GBE1: variants seen among roughly 807,000 people sequenced by gnomAD.
GBE1 encodes the protein 1,4-alpha-glucan-branching enzyme.
In GBE1, 70 loss-of-function variants were observed where a neutral mutation model predicts 88.8. The ratio of observed to expected loss-of-function variants is 0.79; its 90% CI spans 0.65 to 0.96. The LOEUF is 0.96. Ranked by LOEUF, GBE1 falls within the 40% of genes least tolerant of loss-of-function variation. The probability of loss-of-function intolerance (pLI) is 0.00; values close to 1 mark genes in which losing one functional copy is unlikely to be tolerated. For missense variants in GBE1, 872 were observed against 871.0 expected (o/e 1.00, Z -0.01); for synonymous variants, 284 against 300.1 (o/e 0.95, Z 0.56).
chr3:81,529,354 G>A (rs1702985829), intron 14 of GBE1, among the ~76,000 whole-genome samples: 1 of 151,932 alleles, frequency 6.6e-6, no homozygotes, highest in South Asian at 2.1e-4. Context: ...GTGCAACACA[G>A]TTGAGGCCTT....
rs956916105 is a variant in GBE1 at position 81,546,686 on chromosome 3, A to G, written c.1619-9591T>C. ...TGGCAACATCAGGAAGTTACCCTCT[A>G]TGGTCTAAAAGTGGGAGGCATGAAT... On this transcript the variant is annotated intron_variant, in intron 12 of 15. Coordinates refer to ENST00000429644, the MANE Select transcript of GBE1 (RefSeq NM_000158.4). Among the ~76,000 whole-genome samples, 6 of 151,642 alleles carry G rather than the reference A, an allele frequency of 4.0e-5. No homozygotes were observed. In the East Asian group the frequency reaches 5.8e-4, roughly 15 times the overall value.
intron 2 of GBE1, among the ~76,000 whole-genome samples, chr3:81,700,266 A>G (rs1705667276): frequency 6.6e-6 from 1 of 152,194 alleles, no homozygotes; most frequent in African/African-American, 2.4e-5. Context: ...AGAAGCTGGT[A>G]TCAGAATTAT....
rs576563644 is a variant in GBE1 at position 81,663,565 on chromosome 3, A to G, written c.429+7273T>C. ...GATAAAACCTTGCATTCATTCTCCAAGCCCAGATGTGATCCTATTCTTCCA... is the reference window on the plus strand; with the variant it reads ...GATAAAACCTTGCATTCATTCTCCAGGCCCAGATGTGATCCTATTCTTCCA... On this transcript the variant is annotated intron_variant, in intron 3 of 15. Coordinates refer to ENST00000429644, the MANE Select transcript of GBE1 (RefSeq NM_000158.4). 3.3e-5 allele frequency among the ~76,000 whole-genome samples: 5 copies of G among 152,272 alleles called. No individual in the cohort carries two copies. In the South Asian group the frequency reaches 1.0e-3, roughly 32 times the overall value.
chr3:81,706,858 T>G (rs1447863772), intron 1 of GBE1, among the ~76,000 whole-genome samples: 2 of 149,292 alleles, frequency 1.3e-5, no homozygotes, highest in African/African-American at 4.9e-5. Flanking sequence ...AATGATGAGT[T>G]AGACTCAACA....
intron 7 of GBE1, among the ~76,000 whole-genome samples, chr3:81,602,221 A>G (rs1248967977): frequency 6.6e-6 from 1 of 152,144 alleles, no homozygotes; most frequent in Non-Finnish European, 1.5e-5. Flanking sequence ...AAAGCCCTCA[A>G]TCCACTTTTG....
At chr3:81,542,891 G>C (rs1703160032) in intron 12 of GBE1, among the ~76,000 whole-genome samples, 1 of 151,942 alleles carries the variant, frequency 6.6e-6, no homozygotes, top group Non-Finnish European at 1.5e-5. Flanking sequence ...TTTTTAAATG[G>C]AGAAATTTAA....
chr3:81,761,118 C>A (rs1464498608), intron 1 of GBE1, among the ~76,000 whole-genome samples: 4 of 152,224 alleles, frequency 2.6e-5, no homozygotes, highest in Admixed American at 1.3e-4. Context: ...CGCAAGACCG[C>A]TGATTAGAAC....
intron 7 of GBE1, among the ~76,000 whole-genome samples, chr3:81,624,331 T>A (rs868248871): frequency 2.0e-5 from 3 of 152,126 alleles, no homozygotes; most frequent in African/African-American, 7.2e-5. Context: ...ATTATGGAGA[T>A]TACATTCAAG....
rs546802620 is a variant in GBE1, at chr3:81,628,817, T to C, written c.992+13964A>G. 1.6e-3 allele frequency among the ~76,000 whole-genome samples: 222 copies of C among 139,698 alleles called. 1 individual carries two copies. Among genetic ancestry groups the C allele is most frequent in the African/African-American group, 5.4e-3 (206 of 38,092 alleles). The allele number at this position is 139,698 out of a possible 152,430, so 91.6% of individuals were successfully genotyped here. On this transcript the variant is annotated intron_variant, in intron 7 of 15. Coordinates refer to ENST00000429644, the MANE Select transcript of GBE1 (RefSeq NM_000158.4). ...GTATGTTACTAAATTATTTATTTCA[T>C]CTTAATCCCAGGATAACTAAATTTT...
At chr3:81,717,516 A>G (rs1362344716) in intron 1 of GBE1, among the ~76,000 whole-genome samples, 3 of 152,198 alleles carry the variant, frequency 2.0e-5, no homozygotes, top group African/African-American at 4.8e-5. Context: ...CTGTCTTTCA[A>G]TATGGATGTT....
chr3:81,514,392 A>C (rs1166845609), intron 14 of GBE1, among the ~76,000 whole-genome samples: 1 of 151,702 alleles, frequency 6.6e-6, no homozygotes, highest in Non-Finnish European at 1.5e-5. Context: ...TATTATCTAA[A>C]CACTTTCCTT....
chr3:81,587,674 T>C (rs951739298), intron 9 of GBE1, among the ~76,000 whole-genome samples: 4 of 152,154 alleles, frequency 2.6e-5, no homozygotes, highest in Admixed American at 6.5e-5. Flanking sequence ...TGTTCACCGA[T>C]ATACCCTAAG....
intron 14 of GBE1, among the ~76,000 whole-genome samples, chr3:81,501,975 T>C (rs370480635): frequency 9.3e-5 from 14 of 150,934 alleles, no homozygotes; most frequent in East Asian, 7.9e-4. Context: ...CTGGGATTAA[T>C]GAGCTACCAT....
At chr3:81,520,102 T>A (rs1702852318) in intron 14 of GBE1, among the ~76,000 whole-genome samples, 1 of 151,362 alleles carries the variant, frequency 6.6e-6, no homozygotes, top group Non-Finnish European at 1.5e-5. Context: ...AAGGCTTCAG[T>A]TAATTAAAGG....
At chr3:81,499,423 CCT>C (rs1365789371) in intron 14 of GBE1, among the ~76,000 whole-genome samples, 196 bp from the exon 15 acceptor site, 1 of 152,104 alleles carries the variant, frequency 6.6e-6, no homozygotes, top group African/African-American at 2.4e-5. Flanking sequence ...TCATGAGATC[CCT>C]GTTATACTTC....
chr3:81,553,933 A>G (rs1703312687), intron 12 of GBE1, among the ~76,000 whole-genome samples: 1 of 152,124 alleles, frequency 6.6e-6, no homozygotes, highest in African/African-American at 2.4e-5. Context: ...ACATTTTTAA[A>G]TTTAAAATAA....
intron 7 of GBE1, among the ~76,000 whole-genome samples, chr3:81,630,153 T>C (rs1166576273): frequency 1.3e-5 from 2 of 152,144 alleles, no homozygotes; most frequent in African/African-American, 4.8e-5. Context: ...TCTTTGCTAT[T>C]GTGAATAGTG....
intron 1 of GBE1, among the ~76,000 whole-genome samples, chr3:81,714,821 C>T (rs1275666026): frequency 6.6e-6 from 1 of 152,154 alleles, no homozygotes; most frequent in Non-Finnish European, 1.5e-5. Flanking sequence ...TGAGGGCACT[C>T]TTCCTTGTTT....
chr3:81,735,541 C>T (rs149608313), intron 1 of GBE1, among the ~76,000 whole-genome samples: 87 of 152,278 alleles, frequency 5.7e-4, no homozygotes, highest in Middle Eastern at 6.8e-3. Flanking sequence ...CATGGCGATG[C>T]GGATGCAGCT....
Sources: allele counts gnomAD v4.1 joint callset (sites outside exome capture counted in the v4.1 genomes callset), GRCh38; gene constraint gnomAD v4.1.1; transcripts MANE v1.5; gene names NCBI Gene and HGNC (gene_info 2026-07-23, HGNC 2026-07-21).